TTC7B: variants seen among roughly 807,000 people sequenced by gnomAD.
The protein encoded by TTC7B is tetratricopeptide repeat protein 7B.
A neutral mutation model predicts 106.8 loss-of-function variants in TTC7B; 28 were observed. The observed-to-expected ratio is 0.26, with a 90% CI of 0.19 to 0.36. TTC7B has a LOEUF of 0.36. TTC7B is among the 10% of genes least tolerant of loss of function. The probability of loss-of-function intolerance (pLI) is 1.00; values close to 1 mark genes in which losing one functional copy is unlikely to be tolerated. For missense variants in TTC7B, 862 were observed against 1,076.4 expected (o/e 0.80, Z 2.79); for synonymous variants, 405 against 430.6 (o/e 0.94, Z 0.74).
chr14:90,676,176 C>T (rs1886828645), intron 9 of TTC7B: 2 of 215,562 alleles, frequency 9.3e-6, no homozygotes, highest in South Asian at 1.8e-4. Flanking sequence ...CACATTGATA[C>T]TTTAAAGGAA....
chr14:90,648,648 A>G (rs1426700798), intron 13 of TTC7B: 1 of 152,248 alleles, frequency 6.6e-6, no homozygotes, highest in East Asian at 1.9e-4. Context: ...CACCACGCCC[A>G]GCTACTAAAT....
intron 1 of TTC7B, among the ~76,000 whole-genome samples, chr14:90,795,718 C>G (rs1004663108): frequency 3.9e-5 from 6 of 152,142 alleles, no homozygotes; most frequent in African/African-American, 1.4e-4. Flanking sequence ...TATTACCATC[C>G]ATTTAGGATT....
rs568043278 is a variant in TTC7B at position 90,686,902 on chromosome 14, T to C, written c.950+2638A>G. On this transcript the variant is annotated intron_variant, in intron 7 of 19. Coordinates refer to ENST00000328459, the MANE Select transcript of TTC7B (RefSeq NM_001010854.2). ...TAGATGGAAAGATATCTCATGTTCA[T>C]GGATCAGAAGACTTAATATTTTTAA... Among the ~76,000 whole-genome samples, 241 of 152,154 alleles carry C rather than the reference T, an allele frequency of 1.6e-3. 1 individual carries two copies. Among genetic ancestry groups the C allele is most frequent in the Middle Eastern group, 3.4e-3 (1 of 290 alleles).
At chr14:90,771,499 G>T (rs1158786429) in intron 3 of TTC7B, among the ~76,000 whole-genome samples, 1 of 152,136 alleles carries the variant, frequency 6.6e-6, no homozygotes, top group Non-Finnish European at 1.5e-5. Flanking sequence ...GGGGGCTGAG[G>T]CAGGAGGATC....
Position 90,600,877 on chromosome 14 carries a change from T to G in TTC7B, c.1967-7251A>C, listed in dbSNP as rs780361902. On this transcript the variant is annotated intron_variant, in intron 17 of 19. Transcript: ENST00000328459. The surrounding 1 kb of genome is among the most constrained non-coding windows in gnomAD (Gnocchi z 4.3). ...TTGGGCAGATGCTTCCATCTCCACC[T>G]GAACCCTCCCTGATGCATATTCATG... is the stretch of plus-strand genomic sequence containing the variant. Among the ~76,000 whole-genome samples the G allele has an allele frequency of 6.6e-6, 1 of 152,182 alleles. No individual in the cohort carries two copies. The highest frequency in any genetic ancestry group is 2.4e-5 in the African/African-American group (1 of 41,440).
At chr14:90,561,151 G>C (rs956447567) in intron 19 of TTC7B, among the ~76,000 whole-genome samples, 10 of 152,224 alleles carry the variant, frequency 6.6e-5, no homozygotes, top group South Asian at 6.2e-4. Flanking sequence ...CAGGGACACT[G>C]ATCCTGCAGT....
chr14:90,667,111 C>CGGTT (rs1886440981), intron 9 of TTC7B, among the ~76,000 whole-genome samples: 2 of 152,212 alleles, frequency 1.3e-5, no homozygotes, highest in African/African-American at 4.8e-5. Flanking sequence ...TGGGTTTTAA[C>CGGTT]CCTTCAACCA....
intron 17 of TTC7B, among the ~76,000 whole-genome samples, chr14:90,609,400 G>C (rs1005167378): frequency 6.6e-6 from 1 of 152,228 alleles, no homozygotes; most frequent in African/African-American, 2.4e-5. Flanking sequence ...TTTGGTACAA[G>C]GGAGCCTAGG....
At chr14:90,795,937 G>C (rs1013352277) in intron 1 of TTC7B, among the ~76,000 whole-genome samples, 1 of 152,118 alleles carries the variant, frequency 6.6e-6, no homozygotes, top group African/African-American at 2.4e-5. Context: ...AACAATACTA[G>C]GATGCTATTA....
At chr14:90,564,263 G>A (rs1214137308) in intron 19 of TTC7B, among the ~76,000 whole-genome samples, 1 of 152,082 alleles carries the variant, frequency 6.6e-6, no homozygotes, top group African/African-American at 2.4e-5. Flanking sequence ...CAAGTACATT[G>A]TCACTGAACA....
chr14:90,651,999 A>C lies in TTC7B; in HGVS notation c.1517+842T>G, dbSNP rs1380872709. Among the ~76,000 whole-genome samples the C allele has an allele frequency of 2.0e-5, 3 of 152,170 alleles. No individual in the cohort carries two copies. The East Asian group carries it at 5.8e-4, about 29-fold the overall frequency. ...ATATATTTAAAGTGACAGGATCAAT[A>C]CCCATGCTGGATTTCACATCATGGG... On this transcript the variant is annotated intron_variant, in intron 13 of 19. Coordinates refer to ENST00000328459, the MANE Select transcript of TTC7B (RefSeq NM_001010854.2).
At chr14:90,755,021 CTCTG>C (rs925239256) in intron 3 of TTC7B, among the ~76,000 whole-genome samples, 1 of 152,178 alleles carries the variant, frequency 6.6e-6, no homozygotes, top group African/African-American at 2.4e-5. Context: ...CAACCATGCC[CTCTG>C]TCTAACTCAA....
intron 3 of TTC7B, among the ~76,000 whole-genome samples, chr14:90,764,394 G>C (rs1890605545): frequency 6.6e-6 from 1 of 151,736 alleles, no homozygotes; most frequent in South Asian, 2.1e-4. Context: ...TCATAAACTT[G>C]ACTAGGCAAT....
chr14:90,531,071 TAA>T lies in TTC7B; in HGVS notation c.*10295_*10296del, dbSNP rs1889271808. Reference sequence around the variant, plus strand: ...ATTTTAATATTAATAGCTGAAAATGTAAAGAGTTTTGTATTCAGTTGAAGTTG... The same window carrying T: ...ATTTTAATATTAATAGCTGAAAATGTAGAGTTTTGTATTCAGTTGAAGTTG... On this transcript the variant is annotated 3_prime_UTR_variant, in exon 20 of 20. Transcript: ENST00000328459. The T allele has an allele frequency of 6.6e-6, 1 of 152,210 alleles. No individual in the cohort carries two copies. The highest frequency in any genetic ancestry group is 2.4e-5 in the African/African-American group (1 of 41,454). The allele number at this position is 152,210 out of a possible 1,614,324, so 9.4% of individuals were successfully genotyped here.
intron 2 of TTC7B, among the ~76,000 whole-genome samples, chr14:90,782,876 C>T (rs947930923): frequency 1.3e-5 from 2 of 151,736 alleles, no homozygotes; most frequent in African/African-American, 2.4e-5. Flanking sequence ...ATATACTTAA[C>T]GCCACTACAC....
intron 5 of TTC7B, among the ~76,000 whole-genome samples, chr14:90,714,902 T>C (rs1888596596): frequency 6.6e-6 from 1 of 152,198 alleles, no homozygotes; most frequent in Non-Finnish European, 1.5e-5. Context: ...TTTTCATCTC[T>C]ATTTTCTCAT....
Position 90,532,951 on chromosome 14 carries a change from A to G in TTC7B, c.*8417T>C, listed in dbSNP as rs929763179. The G allele has an allele frequency of 6.6e-6, 1 of 152,294 alleles. No individual in the cohort carries two copies. The highest frequency in any genetic ancestry group is 2.4e-5 in the African/African-American group (1 of 41,426). The allele number at this position is 152,294 out of a possible 1,614,324, so 9.4% of individuals were successfully genotyped here. ...TCCTGCCATGCCCGGGGGAGGAGCCATGCAGGGGTAGGGCTGGGCTGTGCT... is the reference window on the plus strand; with the variant it reads ...TCCTGCCATGCCCGGGGGAGGAGCCGTGCAGGGGTAGGGCTGGGCTGTGCT... On this transcript the variant is annotated 3_prime_UTR_variant, in exon 20 of 20. Coordinates refer to ENST00000328459, the MANE Select transcript of TTC7B (RefSeq NM_001010854.2).
intron 3 of TTC7B, among the ~76,000 whole-genome samples, chr14:90,764,945 C>T (rs1233681809): frequency 3.3e-5 from 5 of 152,062 alleles, no homozygotes; most frequent in African/African-American, 9.7e-5. Flanking sequence ...AAGTATACAT[C>T]CAAGATAAAT....
At position 90,526,164 on chromosome 14, in the gene TTC7B, A is replaced by G. The variant is rs1190718535; in HGVS notation, c.*15204T>C. The G allele has an allele frequency of 1.3e-5, 2 of 151,980 alleles. No homozygotes were observed. The highest frequency in any genetic ancestry group is 2.9e-5 in the Non-Finnish European group (2 of 68,002). 9.4% of individuals were successfully genotyped at this position (151,980 alleles called of 1,614,324 possible). On this transcript the variant is annotated 3_prime_UTR_variant, in exon 20 of 20. Transcript: ENST00000328459. ...CCTCCAACAACGTATGAGGGTTCCA[A>G]TTTCCCCACGTCCTCACAAACATTT...
Sources: allele counts gnomAD v4.1 joint callset (sites outside exome capture counted in the v4.1 genomes callset), GRCh38; gene constraint gnomAD v4.1.1; non-coding constraint Gnocchi (gnomAD v3.1); transcripts MANE v1.5; gene names NCBI Gene and HGNC (gene_info 2026-07-23, HGNC 2026-07-21).